GTF3C3: variants seen among roughly 807,000 people sequenced by gnomAD.
The protein encoded by GTF3C3 is general transcription factor 3C polypeptide 3.
GTF3C3 carries 75 observed loss-of-function variants against 105.2 expected under a neutral mutation model. The ratio of observed to expected loss-of-function variants is 0.71; its 90% confidence interval spans 0.59 to 0.86. The LOEUF (loss-of-function observed/expected upper bound fraction) is 0.86, where lower values mean the gene tolerates loss of function less well. Ranked by LOEUF, GTF3C3 falls within the 40% of genes least tolerant of loss-of-function variation. The pLI, the probability that GTF3C3 is intolerant of heterozygous loss-of-function variation, is 0.00. For missense variants in GTF3C3, 856 were observed against 1,076.5 expected, an observed-to-expected ratio of 0.80 and a Z score of 2.87; for synonymous variants, 335 against 370.4, an observed-to-expected ratio of 0.90 and a Z score of 1.10.
In GTF3C3 at chr2:196,785,510, G is replaced by T. The variant is rs764747546; in HGVS notation, c.972C>A (p.Val324=). 6.2e-7 allele frequency: 1 copy of T among 1,606,052 alleles called. No individual in the cohort carries two copies. The highest frequency in any genetic ancestry group is 8.5e-7 in the Non-Finnish European group (1 of 1,173,240). The change falls in exon 7 of 18, where the codon GTC becomes GTA. Residue 324 remains valine, a synonymous_variant. Coordinates refer to ENST00000263956, the MANE Select transcript of GTF3C3 (RefSeq NM_012086.5). ...DEAFSKHQGL[V]SMEDVNIAAE... ...CTGCTATGTTAACATCTTCCATGGA[G>T]ACTAGGCCCTGGTGTTTTGAGAAAG...
Position 196,797,846 on chromosome 2 carries a change from T to C in GTF3C3, c.165A>G (p.Ser55=), listed in dbSNP as rs375698779. The C allele has an allele frequency of 6.2e-7, 1 of 1,612,696 alleles. No homozygotes were observed. Among genetic ancestry groups the C allele is most frequent in the African/African-American group, 1.3e-5 (1 of 74,908 alleles). The change falls in exon 2 of 18, where the codon TCA becomes TCG. Residue 55 remains serine, a synonymous_variant. Transcript: ENST00000263956. ...EENPDDSEVP[S]SSGINSTKSQ... ...ATTTGGTAGAGTTAATTCCTGATGA[T>C]GATGGAACTTCAGAGTCATCGGGAT...
intron 15 of GTF3C3, among the ~76,000 whole-genome samples, chr2:196,771,514 A>G (rs570048030): frequency 3.3e-5 from 5 of 152,346 alleles, no homozygotes; most frequent in South Asian, 4.1e-4. Context: ...TCCACTTACT[A>G]TATGTGCCAG....
rs573395357 is a variant in GTF3C3, at chr2:196,790,158, T to C, written c.536-88A>G. ...CCCATGGTTCAAACTGTATGTCTTT[T>C]TTTTAAATACCTAAACTCTTCAAAT... On this transcript the variant is annotated intron_variant, in intron 4 of 17. Transcript: ENST00000263956. The C allele has an allele frequency of 4.8e-5, 36 of 755,074 alleles. No individual in the cohort carries two copies. In the South Asian group the frequency reaches 8.0e-4, roughly 17 times the overall value. 46.8% of individuals were successfully genotyped at this position (755,074 alleles called of 1,614,324 possible). A position where few individuals can be genotyped will look rare whatever the true frequency, so the allele number is the denominator to read the frequency against.
intron 15 of GTF3C3, among the ~76,000 whole-genome samples, chr2:196,770,795 T>C (rs1480163937): frequency 6.6e-6 from 1 of 152,232 alleles, no homozygotes; most frequent in African/African-American, 2.4e-5. Flanking sequence ...CTGCCATTTG[T>C]CTATCATTTT....
intron 8 of GTF3C3, among the ~76,000 whole-genome samples, chr2:196,784,227 G>T (rs964384639): frequency 7.2e-5 from 11 of 152,030 alleles, no homozygotes; most frequent in Non-Finnish European, 2.9e-5. Flanking sequence ...ACAGTGTAGG[G>T]GTTGAAGGTA....
At position 196,763,992 on chromosome 2, in the gene GTF3C3, T is replaced by C. The variant is rs1347798523; in HGVS notation, c.*571A>G. On this transcript the variant is annotated 3_prime_UTR_variant, in exon 18 of 18. Coordinates refer to ENST00000263956, the MANE Select transcript of GTF3C3 (RefSeq NM_012086.5). ...TTGCCTTGGAGCAATATATTTTGAATTAAGCCCAGCCTCCCATGTTTCAGT... is the reference window on the plus strand; with the variant it reads ...TTGCCTTGGAGCAATATATTTTGAACTAAGCCCAGCCTCCCATGTTTCAGT... 6.6e-6 allele frequency: 1 copy of C among 152,212 alleles called. No individual in the cohort carries two copies. Among genetic ancestry groups the C allele is most frequent in the Non-Finnish European group, 1.5e-5 (1 of 68,026 alleles). The allele number at this position is 152,212 out of a possible 1,614,324, so 9.4% of individuals were successfully genotyped here.
chr2:196,765,332 A>G (rs999371329), intron 17 of GTF3C3, among the ~76,000 whole-genome samples: 2 of 152,182 alleles, frequency 1.3e-5, no homozygotes, highest in African/African-American at 2.4e-5. Context: ...AAAATCTGCA[A>G]CAATTAAAAA....
intron 1 of GTF3C3, 46 bp from the exon 2 acceptor site, chr2:196,797,954 T>A: frequency 9.4e-7 from 1 of 1,065,988 alleles, no homozygotes; most frequent in Non-Finnish European, 1.5e-6. Context: ...AATGCAGACT[T>A]AGCTCTCCCC....
Position 196,789,355 on chromosome 2 carries a change from G to T in GTF3C3, c.742C>A (p.Pro248Thr). The change falls in exon 6 of 18, where the codon CCT becomes ACT. Residue 248 changes from proline to threonine, a missense_variant. Pro to Thr is a conservative substitution (Grantham distance 38). Coordinates refer to ENST00000263956, the MANE Select transcript of GTF3C3 (RefSeq NM_012086.5). ...FCYTKALKYE[P>T]TNVRYLWERS... ...TCCCACAGATAACGGACATTAGTAG[G>T]TTCATATTTAAGAGCTAAAAAGAAA... is the stretch of plus-strand genomic sequence containing the variant. 1 of 1,595,362 alleles carries T rather than the reference G, an allele frequency of 6.3e-7. No individual in the cohort carries two copies. Among genetic ancestry groups the T allele is most frequent in the Non-Finnish European group, 8.5e-7 (1 of 1,172,906 alleles).
At chr2:196,768,394 T>G (rs905223162) in intron 16 of GTF3C3, among the ~76,000 whole-genome samples, 1 of 152,166 alleles carries the variant, frequency 6.6e-6, no homozygotes, top group Admixed American at 6.5e-5. Flanking sequence ...TAAATCAAAT[T>G]AATCACTAAA....
chr2:196,783,258 GGAAGGGAA>G (rs1198763989), intron 8 of GTF3C3, among the ~76,000 whole-genome samples: 2 of 143,104 alleles, frequency 1.4e-5, no homozygotes, highest in Non-Finnish European at 3.1e-5. Flanking sequence ...GTGCCAGGAA[GGAAGGGAA>G]GGAGGGAAGG....
chr2:196,778,221 A>G (rs1699289598), intron 10 of GTF3C3: 1 of 152,216 alleles, frequency 6.6e-6, no homozygotes, highest in African/African-American at 2.4e-5. Context: ...TGACTCAATA[A>G]GAAACCCTAT....
intron 1 of GTF3C3, among the ~76,000 whole-genome samples, chr2:196,798,481 G>A (rs1053397591): frequency 2.0e-5 from 3 of 152,018 alleles, no homozygotes; most frequent in South Asian, 2.1e-4. Flanking sequence ...CTGAGATCGC[G>A]TCACTGCACT....
Position 196,789,945 on chromosome 2 carries a change from C to T in GTF3C3, c.661G>A (p.Val221Ile), listed in dbSNP as rs1375580971. The change falls in exon 5 of 18, where the codon GTT becomes ATT. Residue 221 changes from valine to isoleucine, a missense_variant. By Grantham distance (29) the Val-to-Ile change is conservative. Transcript: ENST00000263956. ...HLNPSDTEEW[V>I]RLAEMSLEQD... ...TCCAGAGACATTTCTGCCAGTCTAA[C>T]CCATTCTTCTGTGTCACTGGGATTT... 4 of 1,613,358 alleles carry T rather than the reference C, an allele frequency of 2.5e-6. No individual in the cohort carries two copies. Among genetic ancestry groups the T allele is most frequent in the Non-Finnish European group, 3.4e-6 (4 of 1,179,518 alleles).
chr2:196,775,033 T>C, intron 13 of GTF3C3, 83 bp downstream of exon 13: 1 of 909,270 alleles, frequency 1.1e-6, no homozygotes, highest in Non-Finnish European at 1.7e-6. Flanking sequence ...ATATTTTCAA[T>C]TAGATTGCTG....
Position 196,775,214 on chromosome 2 carries a change from C to T in GTF3C3, c.1733G>A (p.Ser578Asn). Reference sequence around the variant, plus strand: ...AAGATGCCTCTCTCCAGACTTGGAACTGGATATCAAACAAACTTGGGCTCG... The same window carrying T: ...AAGATGCCTCTCTCCAGACTTGGAATTGGATATCAAACAAACTTGGGCTCG... Reference protein sequence around the residue: ...MNRAQVCLISSSKSGERHLYL... With the variant: ...MNRAQVCLISNSKSGERHLYL... Residue 578 changes from serine (S) to asparagine (N), a missense_variant, in exon 13 of 18, where the codon AGT becomes AAT. Coordinates refer to ENST00000263956, the MANE Select transcript of GTF3C3 (RefSeq NM_012086.5). 4 of 1,609,076 alleles carry T rather than the reference C, an allele frequency of 2.5e-6. No homozygotes were observed. Among genetic ancestry groups the T allele is most frequent in the Non-Finnish European group, 2.5e-6 (3 of 1,178,196 alleles).
At chr2:196,766,011 A>C (rs1340663703) in intron 17 of GTF3C3, among the ~76,000 whole-genome samples, 30 of 14,036 alleles carry the variant, frequency 2.1e-3, no homozygotes, top group Admixed American at 7.8e-3. Flanking sequence ...CTCTGTCTCC[A>C]AAAAAAAAAA....
At chr2:196,764,719 TTCC>T (rs1286085125) in intron 17 of GTF3C3, 34 bp from the exon 18 acceptor site, 1 of 1,578,206 alleles carries the variant, frequency 6.3e-7, no homozygotes, top group East Asian at 2.2e-5. Flanking sequence ...TGTTTAATAT[TTCC>T]AACTGTCAAC....
chr2:196,790,392 TC>T (rs1699526630), intron 4 of GTF3C3, among the ~76,000 whole-genome samples: 1 of 152,114 alleles, frequency 6.6e-6, no homozygotes. Context: ...AGCAAGTTCA[TC>T]CTAATAAACA....
Sources: gnomAD v4.1 joint callset for allele counts (sites outside exome capture counted in the v4.1 genomes callset) on GRCh38, gnomAD v4.1.1 for gene constraint, MANE v1.5 for transcripts, NCBI Gene and HGNC (gene_info 2026-07-23, HGNC 2026-07-21) for gene names.